WWOX: variants seen among roughly 807,000 people sequenced by gnomAD.
The protein encoded by WWOX is WW domain containing oxidoreductase, also known as WW domain-containing oxidoreductase.
WWOX carries 69 observed loss-of-function variants against 46.2 expected under a neutral mutation model. That is an observed-to-expected ratio of 1.49 (90% CI 1.23 to 1.82). The LOEUF (loss-of-function observed/expected upper bound fraction) is 1.82. Ranked by LOEUF, WWOX falls within the 40% of genes most tolerant of loss-of-function variation. The pLI is 0.00. For missense variants in WWOX, 919 were observed against 542.6 expected, an observed-to-expected ratio of 1.69 and a Z score of -6.89; for synonymous variants, 359 against 202.6, an observed-to-expected ratio of 1.77 and a Z score of -6.56.
chr16:78,853,862 A>G (rs1250665993), intron 8 of WWOX, among the ~76,000 whole-genome samples: 2 of 152,160 alleles, frequency 1.3e-5, no homozygotes, highest in African/African-American at 2.4e-5. Flanking sequence ...GGTAAAATGG[A>G]TGCTGACTGT....
chr16:78,723,620 T>C (rs1279041598), intron 8 of WWOX, among the ~76,000 whole-genome samples: 21 of 96,836 alleles, frequency 2.2e-4, no homozygotes, highest in African/African-American at 6.9e-4. Context: ...TTCTTTTCTT[T>C]TCTTTTCTTT....
intron 4 of WWOX, among the ~76,000 whole-genome samples, chr16:78,150,134 C>A (rs1036336516): frequency 5.3e-5 from 8 of 152,210 alleles, no homozygotes; most frequent in Non-Finnish European, 1.0e-4. Flanking sequence ...ATTGGGGTTC[C>A]CACGACCATC....
At chr16:78,996,444 T>A in intron 8 of WWOX, 2 of 551,552 alleles carry the variant, frequency 3.6e-6, no homozygotes, top group Non-Finnish European at 4.5e-6. Context: ...GGAGGCATAT[T>A]CAAAGTGCTC....
At chr16:78,804,043 T>C (rs1263211350) in intron 8 of WWOX, among the ~76,000 whole-genome samples, 2 of 152,088 alleles carry the variant, frequency 1.3e-5, no homozygotes, top group Non-Finnish European at 2.9e-5. Flanking sequence ...ATGGAAACAC[T>C]TCTTTCCTTC....
At chr16:79,194,183 C>G (rs746182062) in intron 8 of WWOX, among the ~76,000 whole-genome samples, 3 of 152,116 alleles carry the variant, frequency 2.0e-5, no homozygotes, top group Non-Finnish European at 2.9e-5. Flanking sequence ...TAGAGAACAG[C>G]TATGTCAAAA....
At position 78,417,040 on chromosome 16, in the gene WWOX, G is replaced by GGGGTGTGTGTGTGTGT. The variant is rs58277331; in HGVS notation, c.606-7829_606-7828insGGTGTGTGTGTGTGTG. 9.2e-3 allele frequency among the ~76,000 whole-genome samples: 1,398 copies of GGGGTGTGTGTGTGTGT among 151,374 alleles called. 11 individuals carry two copies. The highest frequency in any genetic ancestry group is 0.01 in the South Asian group (50 of 4,762). On this transcript the variant is annotated intron_variant, in intron 6 of 8. Transcript: ENST00000566780. ...CCTTGAAGTCAGGTGACCCTTTGGG[G>GGGGTGTGTGTGTGTGT]GTGTGTGTGTGTTTGCTTCTTTATA...
intron 8 of WWOX, among the ~76,000 whole-genome samples, chr16:78,993,231 C>T (rs1017273422): frequency 1.3e-5 from 2 of 148,196 alleles, no homozygotes; most frequent in African/African-American, 2.5e-5. Context: ...TGCAGTAAGC[C>T]GAGGATAACG....
chr16:78,847,453 A>C (rs951911158), intron 8 of WWOX, among the ~76,000 whole-genome samples: 2 of 152,188 alleles, frequency 1.3e-5, no homozygotes, highest in South Asian at 4.1e-4. Flanking sequence ...GTTTGTACCT[A>C]ATTCCAATCC....
intron 5 of WWOX, among the ~76,000 whole-genome samples, chr16:78,218,957 C>T (rs553459870): frequency 2.6e-5 from 4 of 152,340 alleles, no homozygotes; most frequent in Non-Finnish European, 5.9e-5. Context: ...AATTTGAAAA[C>T]TTATCACTTA....
At chr16:78,420,567 A>G (rs367706920) in intron 6 of WWOX, among the ~76,000 whole-genome samples, 3 of 151,896 alleles carry the variant, frequency 2.0e-5, no homozygotes, top group African/African-American at 7.3e-5. Context: ...TGTCCGGAAT[A>G]GGCGAATCTA....
chr16:78,852,515 C>A (rs1333257776), intron 8 of WWOX, among the ~76,000 whole-genome samples: 1 of 152,238 alleles, frequency 6.6e-6, no homozygotes, highest in African/African-American at 2.4e-5. Context: ...GGAAGCAGTT[C>A]CTCCAACCCC....
chr16:78,327,614 A>G (rs1403485358), intron 5 of WWOX, among the ~76,000 whole-genome samples: 1 of 152,166 alleles, frequency 6.6e-6, no homozygotes, highest in Non-Finnish European at 1.5e-5. Context: ...CCTCTTTGCC[A>G]TGACACAGAG....
chr16:78,397,373 T>C (rs886174581), intron 6 of WWOX, among the ~76,000 whole-genome samples: 1 of 152,206 alleles, frequency 6.6e-6, no homozygotes, highest in Non-Finnish European at 1.5e-5. Flanking sequence ...TTTATCCTTA[T>C]AATGACTCTA....
At chr16:78,437,924 T>G (rs13336228) in intron 8 of WWOX, among the ~76,000 whole-genome samples, 1 of 152,014 alleles carries the variant, frequency 6.6e-6, no homozygotes, top group Non-Finnish European at 1.5e-5. Context: ...GTAAGAACTT[T>G]CGAGTTGGTG....
At chr16:78,128,088 T>C (rs546780317) in intron 4 of WWOX, among the ~76,000 whole-genome samples, 13 of 152,224 alleles carry the variant, frequency 8.5e-5, no homozygotes, top group South Asian at 8.3e-4. Flanking sequence ...ATCATAGTTA[T>C]AGAAGAAAGA....
intron 8 of WWOX, among the ~76,000 whole-genome samples, chr16:78,608,969 T>A (rs1352481313): frequency 6.6e-6 from 1 of 152,190 alleles, no homozygotes; most frequent in Non-Finnish European, 1.5e-5. Flanking sequence ...TTATGACAAA[T>A]AATCTAGCAT....
At chr16:78,528,223 C>G (rs541440514) in intron 8 of WWOX, among the ~76,000 whole-genome samples, 2 of 131,644 alleles carry the variant, frequency 1.5e-5, no homozygotes, top group Non-Finnish European at 3.1e-5. Flanking sequence ...ACCGTGTTAG[C>G]CAGGATGGTC....
intron 8 of WWOX, among the ~76,000 whole-genome samples, chr16:78,832,228 C>A (rs1350196477): frequency 6.6e-6 from 1 of 152,138 alleles, no homozygotes; most frequent in African/African-American, 2.4e-5. Context: ...TGGCTTTTAG[C>A]AGGAGGCCTC....
chr16:78,880,709 C>T (rs1344702771), intron 8 of WWOX, among the ~76,000 whole-genome samples: 1 of 152,190 alleles, frequency 6.6e-6, no homozygotes, highest in African/African-American at 2.4e-5. Context: ...TCTGAGAGTT[C>T]ACATAAGTGT....
Sources: gnomAD v4.1 joint callset for allele counts (sites outside exome capture counted in the v4.1 genomes callset) on GRCh38, gnomAD v4.1.1 for gene constraint, MANE v1.5 for transcripts, NCBI Gene and HGNC (gene_info 2026-07-23, HGNC 2026-07-21) for gene names.